DACH2: variants seen among roughly 807,000 people sequenced by gnomAD.
DACH2 encodes the protein dachshund homolog 2.
In DACH2, 17 loss-of-function variants were observed where a neutral mutation model predicts 35.8. The observed-to-expected ratio is 0.48, with a 90% confidence interval of 0.33 to 0.71. The LOEUF (loss-of-function observed/expected upper bound fraction) is 0.71. Among genes scored for constraint, DACH2 ranks in the 30% least tolerant of loss-of-function variants. The probability of loss-of-function intolerance (pLI) is 0.02; values close to 1 mark genes in which losing one functional copy is unlikely to be tolerated. For synonymous variants in DACH2, 195 were observed against 177.3 expected (o/e 1.10, Z -0.79); for missense variants, 469 against 472.7 (o/e 0.99, Z 0.07).
intron 1 of DACH2, among the ~76,000 whole-genome samples, chrX:86,185,951 C>A (rs1345606399): frequency 8.9e-6 from 1 of 112,061 alleles, no homozygotes; most frequent in Non-Finnish European, 1.9e-5. Context: ...GACACTGTAG[C>A]TGGGACTTTC....
intron 7 of DACH2, among the ~76,000 whole-genome samples, chrX:86,741,138 C>T (rs921019234): frequency 1.8e-5 from 2 of 111,392 alleles, no homozygotes; most frequent in African/African-American, 6.5e-5. Flanking sequence ...CTCATAATAG[C>T]GATTGCTTTC....
chrX:86,224,711 T>C (rs899262133), intron 1 of DACH2, among the ~76,000 whole-genome samples: 2 of 111,671 alleles, frequency 1.8e-5, no homozygotes, highest in Non-Finnish European at 3.8e-5. Context: ...TCATCATTCT[T>C]TTAATCCTAT....
At chrX:86,289,691 G>A (rs1490884539) in intron 1 of DACH2, among the ~76,000 whole-genome samples, 5 of 105,357 alleles carry the variant, frequency 4.7e-5, no homozygotes, top group East Asian at 3.1e-4. Flanking sequence ...TTCTTCTTGC[G>A]ATAGTTTACT....
At chrX:86,289,536 G>T (rs998057397) in intron 1 of DACH2, among the ~76,000 whole-genome samples, 2 of 104,875 alleles carry the variant, frequency 1.9e-5, no homozygotes, top group Admixed American at 2.1e-4. Flanking sequence ...TCATCATCTA[G>T]CATTAGGTAT....
intron 7 of DACH2, among the ~76,000 whole-genome samples, chrX:86,767,007 G>A (rs943460576): frequency 8.1e-5 from 9 of 111,706 alleles, no homozygotes; most frequent in South Asian, 7.4e-4. Flanking sequence ...CTTTTGCCCC[G>A]TTTTGTAAAA....
intron 1 of DACH2, among the ~76,000 whole-genome samples, chrX:86,246,423 G>A (rs1358273790): frequency 9.1e-6 from 1 of 110,062 alleles, no homozygotes; most frequent in Non-Finnish European, 1.9e-5. Context: ...GAGAGAAGGG[G>A]CAGGTTGCCT....
chrX:86,489,616 G>T (rs1433104625), intron 2 of DACH2, among the ~76,000 whole-genome samples: 1 of 111,055 alleles, frequency 9.0e-6, no homozygotes, highest in African/African-American at 3.3e-5. Context: ...AAATATGATT[G>T]TACACCATAA....
chrX:86,538,510 G>A (rs768126982), intron 3 of DACH2, among the ~76,000 whole-genome samples: 13 of 111,700 alleles, frequency 1.2e-4, no homozygotes, highest in African/African-American at 4.2e-4. Context: ...GAATATCACA[G>A]ACTTGGTAAT....
At chrX:86,678,724 A>C (rs1388716984) in intron 4 of DACH2, among the ~76,000 whole-genome samples, 1 of 111,931 alleles carries the variant, frequency 8.9e-6, no homozygotes, top group Non-Finnish European at 1.9e-5. Flanking sequence ...CATAAAAAAA[A>C]ATAGGCTGCT....
At chrX:86,160,521 G>A in intron 1 of DACH2, 4 of 530,221 alleles carry the variant, frequency 7.5e-6, no homozygotes, top group Non-Finnish European at 1.4e-5. Flanking sequence ...CATGCAGTGT[G>A]AGCCATGTGG....
intron 6 of DACH2, among the ~76,000 whole-genome samples, chrX:86,735,540 G>A (rs190426490): frequency 7.2e-5 from 8 of 111,450 alleles, no homozygotes; most frequent in Admixed American, 9.6e-5. Context: ...AGCATTTTCC[G>A]TAACAACTTA....
intron 2 of DACH2, among the ~76,000 whole-genome samples, chrX:86,474,915 G>A (rs764838448): frequency 1.8e-5 from 2 of 111,056 alleles, no homozygotes; most frequent in East Asian, 5.7e-4. Flanking sequence ...TGTATTTTTA[G>A]TAGAGACAGA....
chrX:86,367,939 C>T (rs1467970908), intron 1 of DACH2, among the ~76,000 whole-genome samples: 2 of 111,105 alleles, frequency 1.8e-5, no homozygotes, highest in African/African-American at 6.5e-5. Context: ...TCTCCACCAC[C>T]CTGAAGTAAC....
At chrX:86,698,780 C>A (rs1172649466) in intron 5 of DACH2, among the ~76,000 whole-genome samples, 1 of 109,327 alleles carries the variant, frequency 9.1e-6, no homozygotes, top group African/African-American at 3.3e-5. Context: ...AAGAGACCTG[C>A]CTGTCTTGGC....
intron 1 of DACH2, among the ~76,000 whole-genome samples, chrX:86,336,656 A>G (rs2035316645): frequency 9.0e-6 from 1 of 111,207 alleles, no homozygotes; most frequent in African/African-American, 3.3e-5. Context: ...TAAAAACCAG[A>G]ATGCCTCTTC....
At chrX:86,326,442 G>A (rs1277392451) in intron 1 of DACH2, among the ~76,000 whole-genome samples, 7 of 108,407 alleles carry the variant, frequency 6.5e-5, no homozygotes, top group African/African-American at 1.7e-4. Context: ...ACTCCAGTTC[G>A]GGTGATGGAG....
intron 2 of DACH2, among the ~76,000 whole-genome samples, chrX:86,418,053 T>C (rs2036739109): frequency 9.0e-6 from 1 of 111,556 alleles, no homozygotes; most frequent in African/African-American, 3.3e-5. Context: ...ACTCCAAAAT[T>C]ATCTCATTTG....
chrX:86,355,947 G>T (rs1251386405), intron 1 of DACH2, among the ~76,000 whole-genome samples: 2 of 108,410 alleles, frequency 1.8e-5, no homozygotes, highest in East Asian at 6.4e-4. Context: ...TTTGTTAGAT[G>T]CATAGTTTGC....
chrX:86,461,485 T>A (rs925479928), intron 2 of DACH2, among the ~76,000 whole-genome samples: 1 of 111,129 alleles, frequency 9.0e-6, no homozygotes, highest in Non-Finnish European at 1.9e-5. Flanking sequence ...GAAAGAGATT[T>A]TTTTCTTTAT....
Sources: allele counts gnomAD v4.1 joint callset (sites outside exome capture counted in the v4.1 genomes callset), GRCh38; gene constraint gnomAD v4.1.1; transcripts MANE v1.5; gene names NCBI Gene and HGNC (gene_info 2026-07-23, HGNC 2026-07-21).